Variants in ROBO2 observed in about 807,000 individuals in gnomAD.
The protein encoded by ROBO2 is roundabout homolog 2.
A neutral mutation model predicts 160.8 loss-of-function variants in ROBO2; 53 were observed. The observed-to-expected ratio is 0.33, with a 90% CI of 0.26 to 0.41. The LOEUF (loss-of-function observed/expected upper bound fraction) is 0.41, where lower values mean the gene tolerates loss of function less well. ROBO2 is among the 10% of genes least tolerant of loss of function. The pLI is 1.00. For synonymous variants in ROBO2, 664 were observed against 611.7 expected, an observed-to-expected ratio of 1.09 and a Z score of -1.26; for missense variants, 1,577 against 1,722.4, an observed-to-expected ratio of 0.92 and a Z score of 1.49.
intron 2 of ROBO2, among the ~76,000 whole-genome samples, chr3:76,083,776 A>G (rs1000062785): frequency 8.5e-5 from 13 of 152,140 alleles, no homozygotes; most frequent in Admixed American, 5.2e-4. Flanking sequence ...CAAAGCAGAA[A>G]TAATTGAATA....
chr3:76,821,930 A>G (rs2066155427), intron 2 of ROBO2, among the ~76,000 whole-genome samples: 2 of 152,024 alleles, frequency 1.3e-5, no homozygotes, highest in South Asian at 4.1e-4. Context: ...CTCATATGCC[A>G]TTGCAAAAAG....
chr3:76,439,973 T>G (rs1311218447), intron 2 of ROBO2, among the ~76,000 whole-genome samples: 2 of 152,072 alleles, frequency 1.3e-5, no homozygotes, highest in African/African-American at 4.8e-5. Context: ...ATGGATTGTT[T>G]TAACTAACAG....
At chr3:77,563,293 C>T (rs1240100083) in exon 11 of ROBO2, 2 of 1,613,410 alleles carry the variant, frequency 1.2e-6, no homozygotes, top group African/African-American at 1.3e-5. Context: ...ACCCCTGGAA[C>T]CCTTCCAGCA....
intron 2 of ROBO2, among the ~76,000 whole-genome samples, chr3:76,642,209 G>C (rs1021268055): frequency 4.6e-5 from 7 of 152,028 alleles, no homozygotes; most frequent in African/African-American, 1.7e-4. Context: ...GAATAGAGAG[G>C]TTAATAAACT....
chr3:76,243,360 A>G (rs1172301182), intron 2 of ROBO2, among the ~76,000 whole-genome samples: 1 of 152,278 alleles, frequency 6.6e-6, no homozygotes, highest in South Asian at 2.1e-4. Flanking sequence ...GAGGGTGGGG[A>G]CACGCAGGGG....
intron 6 of ROBO2, among the ~76,000 whole-genome samples, chr3:77,541,769 A>G (rs1014123699): frequency 2.6e-5 from 4 of 152,206 alleles, no homozygotes; most frequent in African/African-American, 4.8e-5. Context: ...GATTTTTCCA[A>G]TGCTTTCAGG....
intron 2 of ROBO2, among the ~76,000 whole-genome samples, chr3:76,569,349 C>T (rs1202637894): frequency 2.0e-5 from 3 of 151,910 alleles, no homozygotes; most frequent in Admixed American, 2.0e-4. Context: ...TCCTGTTCAG[C>T]AAAATAATGA....
At chr3:77,377,559 T>C (rs914409049) in intron 2 of ROBO2, among the ~76,000 whole-genome samples, 1 of 152,150 alleles carries the variant, frequency 6.6e-6, no homozygotes. Flanking sequence ...GTTCGTTGTG[T>C]TTCATTTATG....
chr3:76,222,306 C>A (rs917004081), intron 2 of ROBO2, among the ~76,000 whole-genome samples: 15 of 151,914 alleles, frequency 9.9e-5, no homozygotes, highest in Admixed American at 5.2e-4. Context: ...AGTTTTAGAG[C>A]AGGAGTGAAT....
intron 2 of ROBO2, among the ~76,000 whole-genome samples, chr3:76,056,588 A>G (rs1264302451): frequency 6.6e-6 from 1 of 152,200 alleles, no homozygotes; most frequent in African/African-American, 2.4e-5. Context: ...AGAAAAAGAA[A>G]AGAAAAAGGT....
rs147068869 is a variant in ROBO2 at position 76,841,110 on chromosome 3, C to T, written c.110-256904C>T. 2.1e-3 allele frequency among the ~76,000 whole-genome samples: 324 copies of T among 152,208 alleles called. 1 individual carries two copies. Among genetic ancestry groups the T allele is most frequent in the African/African-American group, 7.5e-3 (313 of 41,514 alleles). ...TAGGAGTGTGGCTAAGAAAAAAGGTCTCCAACATGCTAAAAACAATAATTT... is the reference window on the plus strand; with the variant it reads ...TAGGAGTGTGGCTAAGAAAAAAGGTTTCCAACATGCTAAAAACAATAATTT... On this transcript the variant is annotated intron_variant, in intron 2 of 26. Coordinates refer to the ROBO2 transcript ENST00000487694.
At chr3:77,142,195 TAG>T (rs1342331351) in intron 2 of ROBO2, among the ~76,000 whole-genome samples, 5 of 152,330 alleles carry the variant, frequency 3.3e-5, no homozygotes, top group Admixed American at 2.6e-4. Context: ...TTTCCAAGTT[TAG>T]AGAGTTAAAG....
chr3:76,478,780 T>G (rs2079067382), intron 2 of ROBO2, among the ~76,000 whole-genome samples: 1 of 147,338 alleles, frequency 6.8e-6, no homozygotes, highest in Admixed American at 6.9e-5. Context: ...GCTCAAGCAA[T>G]CCTCCCACCT....
chr3:76,220,836 G>A (rs963834164), intron 2 of ROBO2, among the ~76,000 whole-genome samples: 2 of 152,170 alleles, frequency 1.3e-5, no homozygotes, highest in Non-Finnish European at 2.9e-5. Context: ...CTAGTCACAT[G>A]ATCATAGCTG....
intron 1 of ROBO2, among the ~76,000 whole-genome samples, chr3:77,052,099 G>A (rs78854826): frequency 6.6e-6 from 1 of 152,090 alleles, no homozygotes; most frequent in Non-Finnish European, 1.5e-5. Context: ...GACTGATGTT[G>A]GTTGCTAGGA....
intron 2 of ROBO2, among the ~76,000 whole-genome samples, chr3:76,954,083 C>T (rs886104313): frequency 1.3e-5 from 2 of 152,086 alleles, no homozygotes; most frequent in Admixed American, 6.6e-5. Flanking sequence ...CCAGATGATT[C>T]GTTTATTTAT....
intron 2 of ROBO2, among the ~76,000 whole-genome samples, chr3:76,892,659 T>C (rs1260377917): frequency 3.3e-5 from 5 of 152,168 alleles, no homozygotes; most frequent in African/African-American, 1.2e-4. Flanking sequence ...AAAATACAAC[T>C]CTGGTTAAAT....
intron 1 of ROBO2, 29 bp from the exon 2 acceptor site, chr3:77,097,985 G>A (rs528327492): frequency 9.3e-6 from 14 of 1,503,364 alleles, no homozygotes; most frequent in African/African-American, 1.4e-5. Context: ...AAATGTTAAA[G>A]CTTGTCTTTA....
At chr3:76,385,026 C>T (rs908818546) in intron 2 of ROBO2, among the ~76,000 whole-genome samples, 1 of 152,082 alleles carries the variant, frequency 6.6e-6, no homozygotes, top group East Asian at 1.9e-4. Context: ...CTTTGTCTCC[C>T]AGATAGGGCC....
Sources: allele counts gnomAD v4.1 joint callset (sites outside exome capture counted in the v4.1 genomes callset), GRCh38; gene constraint gnomAD v4.1.1; transcripts MANE v1.5; gene names NCBI Gene and HGNC (gene_info 2026-07-23, HGNC 2026-07-21).